The following ZNF423 variants were observed in gnomAD, a reference collection of about 807,000 sequenced individuals.
ZNF423 encodes Ebf-associated zinc finger protein.
A neutral mutation model predicts 95.8 loss-of-function variants in ZNF423; 12 were observed. The observed-to-expected ratio is 0.13, with a 90% confidence interval of 0.08 to 0.20. The LOEUF (loss-of-function observed/expected upper bound fraction) is 0.20. Among genes scored for constraint, ZNF423 ranks in the 10% least tolerant of loss-of-function variants. The probability of loss-of-function intolerance (pLI) is 1.00; values close to 1 mark genes in which losing one functional copy is unlikely to be tolerated. For synonymous variants in ZNF423, 749 were observed against 711.9 expected (o/e 1.05, Z -0.83); for missense variants, 1,316 against 1,737.1 (o/e 0.76, Z 4.31).
intron 5 of ZNF423, among the ~76,000 whole-genome samples, chr16:49,555,474 A>G (rs1362989265): frequency 2.0e-5 from 3 of 152,198 alleles, no homozygotes; most frequent in Non-Finnish European, 4.4e-5. Context: ...ATTTTTTCCC[A>G]TTTTGTAGAC....
At chr16:49,516,892 C>T (rs1968171281) in intron 7 of ZNF423, among the ~76,000 whole-genome samples, 1 of 152,328 alleles carries the variant, frequency 6.6e-6, no homozygotes, top group South Asian at 2.1e-4. Flanking sequence ...GTCACTATCT[C>T]TGGGGTTTCC....
At chr16:49,802,679 G>C (rs1332236234) in intron 1 of ZNF423, among the ~76,000 whole-genome samples, 1 of 148,380 alleles carries the variant, frequency 6.7e-6, no homozygotes, top group Non-Finnish European at 1.5e-5. Flanking sequence ...CCTAGGCTTT[G>C]CCCCTATGTT....
At chr16:49,559,988 CA>C (rs1969963877) in intron 5 of ZNF423, among the ~76,000 whole-genome samples, 1 of 152,286 alleles carries the variant, frequency 6.6e-6, no homozygotes, top group African/African-American at 2.4e-5. Flanking sequence ...TTTGCCAGGG[CA>C]AAAGGTGTGC....
At chr16:49,561,645 A>G (rs780851670) in intron 5 of ZNF423, among the ~76,000 whole-genome samples, 4 of 152,202 alleles carry the variant, frequency 2.6e-5, no homozygotes, top group Non-Finnish European at 4.4e-5. Flanking sequence ...ACTTTCTCCT[A>G]TTACTGCAAA....
chr16:49,688,346 G>A (rs563708733), intron 3 of ZNF423, among the ~76,000 whole-genome samples: 4 of 152,282 alleles, frequency 2.6e-5, no homozygotes, highest in African/African-American at 9.6e-5. Context: ...CCAGACTTGG[G>A]TCTTTTGTAT....
chr16:49,769,438 T>C (rs552114221), intron 2 of ZNF423, among the ~76,000 whole-genome samples: 3 of 151,850 alleles, frequency 2.0e-5, no homozygotes, highest in Admixed American at 1.3e-4. Context: ...TGACCTCTGC[T>C]TACCTCCTGA....
chr16:49,714,875 G>C (rs886433189), intron 3 of ZNF423, among the ~76,000 whole-genome samples: 1 of 152,166 alleles, frequency 6.6e-6, no homozygotes, highest in African/African-American at 2.4e-5. Context: ...CCAGCCCCCA[G>C]GAAGCCATGG....
chr16:49,525,590 C>T, intron 5 of ZNF423, 96 bp from the exon 6 acceptor site: 4 of 1,538,950 alleles, frequency 2.6e-6, no homozygotes, highest in Non-Finnish European at 3.5e-6. Flanking sequence ...ACTAACCCCC[C>T]TCCAATCCCC....
chr16:49,825,200 T>A (rs2034991950), intron 1 of ZNF423, among the ~76,000 whole-genome samples: 1 of 152,314 alleles, frequency 6.6e-6, no homozygotes, highest in Middle Eastern at 3.4e-3. Flanking sequence ...TCCGACATCC[T>A]GTGTGTCAAT....
intron 3 of ZNF423, among the ~76,000 whole-genome samples, chr16:49,647,008 C>T (rs1422934903): frequency 6.6e-6 from 1 of 152,234 alleles, no homozygotes; most frequent in Non-Finnish European, 1.5e-5. Context: ...AGGAAAGTAA[C>T]TTCTGAGCGC....
chr16:49,600,334 TA>T (rs1465361082), intron 5 of ZNF423, among the ~76,000 whole-genome samples: 1 of 150,944 alleles, frequency 6.6e-6, no homozygotes, highest in Non-Finnish European at 1.5e-5. Flanking sequence ...AAATAATAAA[TA>T]AAAATTAAAA....
chr16:49,652,425 A>T (rs1452534158), intron 3 of ZNF423, among the ~76,000 whole-genome samples: 3 of 151,844 alleles, frequency 2.0e-5, no homozygotes, highest in African/African-American at 7.3e-5. Context: ...AGAGGAGCCT[A>T]GTGATCAACT....
chr16:49,836,913 C>G (rs1317556090), intron 1 of ZNF423, among the ~76,000 whole-genome samples: 1 of 152,208 alleles, frequency 6.6e-6, no homozygotes, highest in East Asian at 1.9e-4. Context: ...GAACCCAGGA[C>G]AGGCCTCTAC....
intron 5 of ZNF423, among the ~76,000 whole-genome samples, chr16:49,562,722 T>C (rs1352361877): frequency 3.9e-5 from 6 of 152,228 alleles, no homozygotes; most frequent in African/African-American, 1.4e-4. Flanking sequence ...TTCAAGATTA[T>C]GGAAGAATTT....
At chr16:49,557,924 C>A (rs1426271027) in intron 5 of ZNF423, among the ~76,000 whole-genome samples, 1 of 152,124 alleles carries the variant, frequency 6.6e-6, no homozygotes, top group Non-Finnish European at 1.5e-5. Flanking sequence ...GCCCCCAAAG[C>A]CAGAGAGGGC....
chr16:49,618,127 G>A lies in ZNF423; in HGVS notation c.3601+8043C>T, dbSNP rs559071797. On this transcript the variant is annotated intron_variant, in intron 5 of 7. Transcript: ENST00000563137. ...ATGAGCCTTCAGGTGCAGGGGTTAA[G>A]GGCGCAGGCCCCGAGTCACACTGGC... 2.6e-5 allele frequency among the ~76,000 whole-genome samples: 4 copies of A among 152,354 alleles called. No individual in the cohort carries two copies. In the East Asian group the frequency reaches 7.7e-4, roughly 29 times the overall value.
chr16:49,712,781 C>T (rs1450421612), intron 3 of ZNF423, among the ~76,000 whole-genome samples: 3 of 152,222 alleles, frequency 2.0e-5, no homozygotes. Flanking sequence ...GTGGAAACCA[C>T]GTGTGATGGA....
intron 1 of ZNF423, chr16:49,853,984 G>C (rs1451105533): frequency 1.0e-6 from 1 of 985,298 alleles, no homozygotes; most frequent in Admixed American, 6.1e-5. Context: ...CGCCTCTTAA[G>C]TGGCTCCTGA....
At chr16:49,588,374 G>A (rs76168968) in intron 5 of ZNF423, among the ~76,000 whole-genome samples, 6 of 152,176 alleles carry the variant, frequency 3.9e-5, no homozygotes, top group South Asian at 4.1e-4. Flanking sequence ...CCTTACATAC[G>A]CTGAGGCTAA....
Sources: allele counts gnomAD v4.1 joint callset (sites outside exome capture counted in the v4.1 genomes callset), GRCh38; gene constraint gnomAD v4.1.1; transcripts MANE v1.5; gene names NCBI Gene and HGNC (gene_info 2026-07-23, HGNC 2026-07-21).